SNX29: variants seen among roughly 807,000 people sequenced by gnomAD.
SNX29 encodes sorting nexin 29, also known as sorting nexin-29.
SNX29 carries 78 observed loss-of-function variants against 102.1 expected under a neutral mutation model. That is an observed-to-expected ratio of 0.76 (90% confidence interval 0.64 to 0.92). SNX29 has a LOEUF of 0.92. SNX29 is among the 40% of genes least tolerant of loss of function. The pLI, the probability that SNX29 is intolerant of heterozygous loss-of-function variation, is 0.00. For synonymous variants in SNX29, 580 were observed against 414.5 expected (o/e 1.40, Z -4.85); for missense variants, 1,280 against 1,061.7 (o/e 1.21, Z -2.86).
chr16:12,537,368 C>A (rs534803504), intron 20 of SNX29, among the ~76,000 whole-genome samples: 21 of 152,348 alleles, frequency 1.4e-4, no homozygotes, highest in African/African-American at 4.8e-4. Flanking sequence ...CAACTTGGTG[C>A]ATGACAGAAA....
chr16:12,443,214 A>T (rs1368411498), intron 18 of SNX29: 3 of 337,394 alleles, frequency 8.9e-6, no homozygotes, highest in African/African-American at 2.2e-5. Flanking sequence ...TGCTGGGGAC[A>T]TGGCATTGCG....
intron 8 of SNX29, among the ~76,000 whole-genome samples, chr16:12,058,741 G>A (rs1257614959): frequency 3.4e-5 from 5 of 149,002 alleles, no homozygotes; most frequent in Non-Finnish European, 7.4e-5. Context: ...TGATCTACCC[G>A]CCACGGCCTC....
chr16:12,034,267 T>C (rs1389236260), intron 4 of SNX29, among the ~76,000 whole-genome samples: 1 of 152,188 alleles, frequency 6.6e-6, no homozygotes, highest in Non-Finnish European at 1.5e-5. Flanking sequence ...GGTCCATCCT[T>C]TTGATGGTGA....
At chr16:12,047,134 T>G (rs2050120758) in intron 6 of SNX29, among the ~76,000 whole-genome samples, 1 of 152,212 alleles carries the variant, frequency 6.6e-6, no homozygotes, top group African/African-American at 2.4e-5. Flanking sequence ...GAGGTGGGAA[T>G]CATGCTGTCT....
At chr16:12,559,574 C>G (rs1365776701) in intron 20 of SNX29, among the ~76,000 whole-genome samples, 2 of 151,872 alleles carry the variant, frequency 1.3e-5, no homozygotes, top group Admixed American at 6.6e-5. Flanking sequence ...TTATACATAA[C>G]TCATCCCTGG....
chr16:12,216,557 C>A (rs2077329237), intron 14 of SNX29, among the ~76,000 whole-genome samples: 1 of 152,206 alleles, frequency 6.6e-6, no homozygotes, highest in South Asian at 2.1e-4. Flanking sequence ...TCCTTCATGT[C>A]TTCCTAAGGA....
intron 13 of SNX29, among the ~76,000 whole-genome samples, chr16:12,189,625 C>T (rs1305514626): frequency 6.6e-6 from 1 of 152,046 alleles, no homozygotes; most frequent in East Asian, 1.9e-4. Flanking sequence ...GTGGAGTTTC[C>T]CCTTTACAAT....
intron 18 of SNX29, among the ~76,000 whole-genome samples, chr16:12,451,064 C>A (rs889414656): frequency 1.3e-5 from 2 of 152,234 alleles, no homozygotes; most frequent in African/African-American, 2.4e-5. Context: ...GGAGAAAGTA[C>A]GTCTCCTGCC....
intron 18 of SNX29, among the ~76,000 whole-genome samples, chr16:12,404,189 T>C (rs2084072635): frequency 6.6e-6 from 1 of 152,270 alleles, no homozygotes; most frequent in South Asian, 2.1e-4. Flanking sequence ...GAAGGGGCAA[T>C]GGATACTGGA....
intron 11 of SNX29, chr16:12,081,365 T>G (rs951438762): frequency 6.6e-6 from 1 of 152,138 alleles, no homozygotes; most frequent in Non-Finnish European, 1.5e-5. Context: ...TTGGAAGTGC[T>G]TCTCCAAAAG....
At chr16:12,559,479 C>T (rs1002862688) in intron 20 of SNX29, among the ~76,000 whole-genome samples, 1 of 151,652 alleles carries the variant, frequency 6.6e-6, no homozygotes, top group Non-Finnish European at 1.5e-5. Flanking sequence ...TAATTTTTTC[C>T]ATGTAGTAAT....
intron 14 of SNX29, among the ~76,000 whole-genome samples, chr16:12,215,226 G>A (rs371587718): frequency 6.6e-6 from 1 of 152,070 alleles, no homozygotes; most frequent in Admixed American, 6.5e-5. Context: ...TGGGCACGGC[G>A]GCTTCCACCT....
intron 18 of SNX29, among the ~76,000 whole-genome samples, chr16:12,451,070 C>A (rs1378066338): frequency 1.3e-5 from 2 of 152,156 alleles, no homozygotes; most frequent in African/African-American, 4.8e-5. Flanking sequence ...AGTACGTCTC[C>A]TGCCCCCAAA....
At chr16:12,472,345 A>AC (rs1308016017) in intron 18 of SNX29, among the ~76,000 whole-genome samples, 1 of 152,032 alleles carries the variant, frequency 6.6e-6, no homozygotes, top group Non-Finnish European at 1.5e-5. Flanking sequence ...ACATGGTGAA[A>AC]CCCCGTCTCT....
At chr16:11,993,525 T>G (rs1439929645) in intron 1 of SNX29, among the ~76,000 whole-genome samples, 1 of 152,186 alleles carries the variant, frequency 6.6e-6, no homozygotes, top group African/African-American at 2.4e-5. Context: ...TATTAAATGC[T>G]TGGTATATAC....
chr16:12,119,001 C>G (rs963318658), intron 11 of SNX29, among the ~76,000 whole-genome samples: 1 of 152,212 alleles, frequency 6.6e-6, no homozygotes, highest in Non-Finnish European at 1.5e-5. Context: ...TTCCAAGCTG[C>G]TTGGTGCTCA....
At chr16:12,546,081 GTCTCTC>G (rs2077588489) in intron 20 of SNX29, among the ~76,000 whole-genome samples, 1 of 152,164 alleles carries the variant, frequency 6.6e-6, no homozygotes, top group Non-Finnish European at 1.5e-5. Flanking sequence ...TGAGTCCCCA[GTCTCTC>G]ACTTCACTGT....
intron 13 of SNX29, among the ~76,000 whole-genome samples, chr16:12,192,642 G>C (rs915651626): frequency 4.6e-5 from 7 of 152,070 alleles, no homozygotes; most frequent in African/African-American, 1.7e-4. Context: ...CTCTGGAGAA[G>C]CTGGGACTAC....
At chr16:12,233,305 G>T (rs535840901) in intron 14 of SNX29, among the ~76,000 whole-genome samples, 1 of 152,302 alleles carries the variant, frequency 6.6e-6, no homozygotes, top group East Asian at 1.9e-4. Flanking sequence ...AATGCAGCTG[G>T]AGGCTGTTAT....
Sources: allele counts gnomAD v4.1 joint callset (sites outside exome capture counted in the v4.1 genomes callset), GRCh38; gene constraint gnomAD v4.1.1; transcripts MANE v1.5; gene names NCBI Gene and HGNC (gene_info 2026-07-23, HGNC 2026-07-21).